The following AKR1B15 variants were observed in gnomAD, a reference collection of about 807,000 sequenced individuals.
AKR1B15 encodes the protein estradiol 17-beta-dehydrogenase AKR1B15.
A neutral mutation model predicts 38.5 loss-of-function variants in AKR1B15; 49 were observed. The observed-to-expected ratio is 1.27, with a 90% CI of 1.01 to 1.62. The LOEUF (loss-of-function observed/expected upper bound fraction) is 1.62, where lower values mean the gene tolerates loss of function less well. Among genes scored for constraint, AKR1B15 ranks in the 40% most tolerant of loss-of-function variants. AKR1B15 has a pLI of 0.00. For missense variants in AKR1B15, 411 were observed against 381.6 expected (o/e 1.08, Z -0.64); for synonymous variants, 137 against 135.5 (o/e 1.01, Z -0.08).
intron 11 of AKR1B15, among the ~76,000 whole-genome samples, chr7:134,579,278 C>G (rs1174812187): frequency 6.6e-6 from 1 of 152,158 alleles, no homozygotes; most frequent in African/African-American, 2.4e-5. Flanking sequence ...CGTGAGTTGT[C>G]ATTACGAGTT....
chr7:134,563,088 G>A (rs1436670826), intron 2 of AKR1B15, among the ~76,000 whole-genome samples: 1 of 150,926 alleles, frequency 6.6e-6, no homozygotes, highest in Non-Finnish European at 1.5e-5. Context: ...TTGACTCATC[G>A]TGAACAAACA....
At chr7:134,558,971 T>A (rs1384480700) in intron 2 of AKR1B15, among the ~76,000 whole-genome samples, 1 of 152,100 alleles carries the variant, frequency 6.6e-6, no homozygotes, top group Non-Finnish European at 1.5e-5. Flanking sequence ...GTACTGAGAC[T>A]GCAGTCTGGA....
intron 11 of AKR1B15, among the ~76,000 whole-genome samples, chr7:134,578,020 G>A (rs1187703326): frequency 6.6e-6 from 1 of 152,148 alleles, no homozygotes; most frequent in African/African-American, 2.4e-5. Context: ...GAGAAGGTGT[G>A]TTATCAATAG....
intron 2 of AKR1B15, among the ~76,000 whole-genome samples, chr7:134,560,881 C>T (rs1794367143): frequency 6.6e-6 from 1 of 152,192 alleles, no homozygotes; most frequent in Non-Finnish European, 1.5e-5. Context: ...AGACTAACAC[C>T]ACTTTCGTGA....
intron 7 of AKR1B15, 53 bp from the exon 8 acceptor site, chr7:134,575,768 C>T: frequency 1.2e-6 from 2 of 1,603,244 alleles, no homozygotes; most frequent in Non-Finnish European, 1.7e-6. Flanking sequence ...TCCCTAGGAA[C>T]AATGCAAAAC....
intron 2 of AKR1B15, among the ~76,000 whole-genome samples, 173 bp from the exon 3 acceptor site, chr7:134,564,425 C>T (rs766428970): frequency 2.2e-4 from 33 of 152,196 alleles, no homozygotes; most frequent in African/African-American, 7.9e-4. Flanking sequence ...TGCTGCCCGG[C>T]GTTTACAGGA....
chr7:134,554,106 A>G (rs1211687509), intron 1 of AKR1B15, among the ~76,000 whole-genome samples: 1 of 152,218 alleles, frequency 6.6e-6, no homozygotes, highest in African/African-American at 2.4e-5. Flanking sequence ...AGCAGGAAAG[A>G]GTGTCAACAA....
In AKR1B15 at chr7:134,549,629, G is replaced by A. The variant is rs188034926; in HGVS notation, c.-147+380G>A. On this transcript the variant is annotated intron_variant, in intron 1 of 11. Coordinates refer to ENST00000457545, the MANE Select transcript of AKR1B15 (RefSeq NM_001080538.3). Reference sequence around the variant, plus strand: ...CTTAGGGCGGCATCAGGCATAGCTCGATCCAAGCCAGGGGTTTATACCAGC... The same window carrying A: ...CTTAGGGCGGCATCAGGCATAGCTCAATCCAAGCCAGGGGTTTATACCAGC... 1.4e-3 allele frequency among the ~76,000 whole-genome samples: 212 copies of A among 152,196 alleles called. 1 individual carries two copies. Among genetic ancestry groups the A allele is most frequent in the Admixed American group, 2.7e-3 (42 of 15,298 alleles).
At chr7:134,567,013 C>T (rs1794551503) in intron 3 of AKR1B15, among the ~76,000 whole-genome samples, 1 of 152,194 alleles carries the variant, frequency 6.6e-6, no homozygotes, top group Non-Finnish European at 1.5e-5. Context: ...AGGGAGCTGC[C>T]TTCAACACGT....
At chr7:134,577,838 G>T in intron 11 of AKR1B15, 52 bp downstream of exon 11, 2 of 1,583,688 alleles carry the variant, frequency 1.3e-6, no homozygotes, top group Non-Finnish European at 1.7e-6. Context: ...TTCTAAACTG[G>T]TAGAGGGTTA....
intron 2 of AKR1B15, 139 bp downstream of exon 2, chr7:134,556,998 C>A: frequency 6.6e-6 from 1 of 152,156 alleles, no homozygotes; most frequent in East Asian, 1.9e-4. Context: ...ATGCACAGCT[C>A]TAGAAGAAAG....
Position 134,568,144 on chromosome 7 carries a change from C to A in AKR1B15, c.151-14C>A, listed in dbSNP as rs751268310. The A allele has an allele frequency of 1.2e-6, 2 of 1,613,764 alleles. No homozygotes were observed. Among genetic ancestry groups the A allele is most frequent in the Non-Finnish European group, 1.7e-6 (2 of 1,179,894 alleles). ...AAAAATACATGTGTGATGGGCTTTT[C>A]TTTTGCTTTTCAGTCTCTTCTCGGC... is the stretch of plus-strand genomic sequence containing the variant. On this transcript the variant is annotated splice_polypyrimidine_tract_variant and intron_variant, in intron 3 of 11. Transcript: ENST00000457545.
intron 11 of AKR1B15, 105 bp downstream of exon 11, chr7:134,577,891 A>G: frequency 7.5e-7 from 1 of 1,339,984 alleles, no homozygotes. Context: ...TGTGTCTTCA[A>G]ATACTATTTT....
chr7:134,568,058 G>A, intron 3 of AKR1B15, 100 bp from the exon 4 acceptor site: 1 of 1,443,648 alleles, frequency 6.9e-7, no homozygotes, highest in South Asian at 1.2e-5. Flanking sequence ...TGGGAGGATT[G>A]TTTGAACCTG....
chr7:134,577,144 G>C, intron 10 of AKR1B15, 98 bp downstream of exon 10: 1 of 1,263,562 alleles, frequency 7.9e-7, no homozygotes, highest in Non-Finnish European at 1.1e-6. Flanking sequence ...CACTGTCTTT[G>C]GCCCCCTCCT....
intron 3 of AKR1B15, 28 bp from the exon 4 acceptor site, chr7:134,568,130 T>G: frequency 1.9e-6 from 3 of 1,613,256 alleles, no homozygotes; most frequent in South Asian, 2.2e-5. Flanking sequence ...AAAATACATG[T>G]GTGATGGGCT....
chr7:134,564,506 C>T (rs537012198), intron 2 of AKR1B15, 92 bp from the exon 3 acceptor site: 2 of 534,998 alleles, frequency 3.7e-6, no homozygotes, highest in South Asian at 2.7e-5. Flanking sequence ...GACATGGCTT[C>T]TCCCCTTTCT....
At chr7:134,564,002 C>T (rs566442010) in intron 2 of AKR1B15, among the ~76,000 whole-genome samples, 10 of 152,260 alleles carry the variant, frequency 6.6e-5, no homozygotes, top group South Asian at 4.1e-4. Context: ...ATCTGCCTCC[C>T]GACCAACTGG....
intron 10 of AKR1B15, among the ~76,000 whole-genome samples, chr7:134,577,399 A>G (rs547738728): frequency 6.6e-6 from 1 of 152,242 alleles, no homozygotes; most frequent in Non-Finnish European, 1.5e-5. Context: ...GGAGGTGTGA[A>G]CTGTCCTTGG....
Sources: allele counts gnomAD v4.1 joint callset (sites outside exome capture counted in the v4.1 genomes callset), GRCh38; gene constraint gnomAD v4.1.1; transcripts MANE v1.5; gene names NCBI Gene and HGNC (gene_info 2026-07-23, HGNC 2026-07-21).